Variants in MAP7 observed in about 807,000 individuals in gnomAD.
MAP7 encodes the protein ensconsin.
In MAP7, 52 loss-of-function variants were observed where a neutral mutation model predicts 94.8. The ratio of observed to expected loss-of-function variants is 0.55; its 90% CI spans 0.44 to 0.69. The LOEUF is 0.69. Among genes scored for constraint, MAP7 ranks in the 30% least tolerant of loss-of-function variants. MAP7 has a pLI of 0.00. For synonymous variants in MAP7, 350 were observed against 357.0 expected (o/e 0.98, Z 0.22); for missense variants, 940 against 964.6 (o/e 0.97, Z 0.34).
chr6:136,454,788 A>C (rs1327941467), intron 1 of MAP7, among the ~76,000 whole-genome samples: 2 of 151,994 alleles, frequency 1.3e-5, no homozygotes, highest in East Asian at 3.9e-4. Context: ...ACTCACAGCT[A>C]CTTGGGAGGC....
chr6:136,497,766 T>TC (rs137959617), intron 1 of MAP7, among the ~76,000 whole-genome samples: 10,166 of 125,752 alleles, frequency 0.081, 862 homozygotes, highest in African/African-American at 0.23. Context: ...GCCACTGCAC[T>TC]CAGCCTGGGT....
At chr6:136,440,326 A>G (rs928972900) in intron 1 of MAP7, among the ~76,000 whole-genome samples, 2 of 152,164 alleles carry the variant, frequency 1.3e-5, no homozygotes, top group African/African-American at 4.8e-5. Context: ...TGTGATAGAG[A>G]TCTCTACGGG....
intron 3 of MAP7, among the ~76,000 whole-genome samples, chr6:136,402,515 C>A (rs1451359858): frequency 6.6e-6 from 1 of 152,200 alleles, no homozygotes; most frequent in Admixed American, 6.5e-5. Context: ...TCACTGCACA[C>A]AGTGGTGGGC....
chr6:136,471,195 T>C (rs1808858182), intron 1 of MAP7, among the ~76,000 whole-genome samples: 1 of 152,202 alleles, frequency 6.6e-6, no homozygotes, highest in Non-Finnish European at 1.5e-5. Flanking sequence ...CAATATACAT[T>C]ATTAAAGGAC....
At chr6:136,349,601 G>A (rs1788592812) in intron 16 of MAP7, among the ~76,000 whole-genome samples, 1 of 152,044 alleles carries the variant, frequency 6.6e-6, no homozygotes, top group Non-Finnish European at 1.5e-5. Context: ...TGAACTCCTG[G>A]GCTCAAGTGA....
At chr6:136,394,937 T>TATATATATATATATATA (rs1781919269) in intron 3 of MAP7, among the ~76,000 whole-genome samples, 2 of 84,436 alleles carry the variant, frequency 2.4e-5, no homozygotes, top group African/African-American at 1.1e-4. Context: ...CCATCATATA[T>TATATATATATATATATA]ATATATATAT....
At chr6:136,547,825 A>T (rs550912393) in intron 1 of MAP7, among the ~76,000 whole-genome samples, 2 of 151,598 alleles carry the variant, frequency 1.3e-5, no homozygotes, top group African/African-American at 4.8e-5. Context: ...ATACACATAT[A>T]CACACACACA....
chr6:136,366,405 A>C lies in MAP7; in HGVS notation c.911T>G (p.Leu304Arg). ...CCTTCGGGTGCCAGATGTGAGGAAG[A>C]GTACATTTTCTCTCTCTCTTTCTTT... ...YKKERERENVLFLTSGTRRAV... is the reference protein window; with the variant it reads ...YKKERERENVRFLTSGTRRAV... Residue 304 changes from leucine (L) to arginine (R), a missense_variant, in exon 9 of 18, where the codon CTC (leucine) becomes CGC (arginine). Transcript: ENST00000354570. 6.2e-7 allele frequency: 1 copy of C among 1,613,998 alleles called. No individual in the cohort carries two copies. Among genetic ancestry groups the C allele is most frequent in the Non-Finnish European group, 8.5e-7 (1 of 1,179,832 alleles).
intron 3 of MAP7, among the ~76,000 whole-genome samples, chr6:136,394,831 T>C (rs1305119378): frequency 1.3e-5 from 2 of 149,810 alleles, no homozygotes; most frequent in Admixed American, 6.7e-5. Flanking sequence ...TATTTGTCTT[T>C]CTGTGCCTGT....
chr6:136,535,870 A>G (rs1828841703), intron 1 of MAP7, among the ~76,000 whole-genome samples: 1 of 151,832 alleles, frequency 6.6e-6, no homozygotes, highest in African/African-American at 2.4e-5. Flanking sequence ...TACATTAGGT[A>G]TATCTCCTAA....
chr6:136,407,529 G>C (rs1300758812), intron 3 of MAP7, among the ~76,000 whole-genome samples: 1 of 152,216 alleles, frequency 6.6e-6, no homozygotes, highest in Non-Finnish European at 1.5e-5. Context: ...GATAATGGCA[G>C]AGGCAGCCAA....
At position 136,496,906 on chromosome 6, in the gene MAP7, A is replaced by T. The variant is rs146923053; in HGVS notation, c.67+53436T>A. ...GAGGTGGAGGCTGCAGTAAGCGGAGATCGCGCCACTGCACTCCAACCTGGG... is the reference window on the plus strand; with the variant it reads ...GAGGTGGAGGCTGCAGTAAGCGGAGTTCGCGCCACTGCACTCCAACCTGGG... On this transcript the variant is annotated intron_variant, in intron 1 of 17. Transcript: ENST00000354570. 1.0e-3 allele frequency among the ~76,000 whole-genome samples: 155 copies of T among 151,686 alleles called. 3 individuals carry two copies. Among genetic ancestry groups the T allele is most frequent in the African/African-American group, 3.7e-3 (153 of 41,186 alleles).
intron 3 of MAP7, among the ~76,000 whole-genome samples, chr6:136,393,529 A>G (rs904713221): frequency 1.3e-5 from 2 of 152,146 alleles, no homozygotes; most frequent in Admixed American, 6.6e-5. Context: ...ATTTGGAGAA[A>G]CGCTGTACTC....
intron 6 of MAP7, among the ~76,000 whole-genome samples, chr6:136,381,165 T>G (rs1223592751): frequency 6.6e-6 from 1 of 152,142 alleles, no homozygotes; most frequent in Non-Finnish European, 1.5e-5. Flanking sequence ...TTACTTAAAT[T>G]TCTTTTATTT....
intron 3 of MAP7, among the ~76,000 whole-genome samples, chr6:136,394,033 GAGTCCGGT>G (rs1392385921): frequency 4.3e-5 from 6 of 138,424 alleles, no homozygotes; most frequent in African/African-American, 1.6e-4. Context: ...GCCCAGGCTA[GAGTCCGGT>G]AGTGCAATCT....
chr6:136,475,793 A>G (rs1032783404), intron 1 of MAP7: 1 of 152,126 alleles, frequency 6.6e-6, no homozygotes, highest in Non-Finnish European at 1.5e-5. Context: ...CATCTTCCCA[A>G]TGGAGAAGAG....
chr6:136,405,837 G>T (rs1250775072), intron 3 of MAP7, among the ~76,000 whole-genome samples: 1 of 152,212 alleles, frequency 6.6e-6, no homozygotes, highest in Non-Finnish European at 1.5e-5. Context: ...ACAGCAAAGA[G>T]TATTTGCTGA....
intron 10 of MAP7, 35 bp from the exon 11 acceptor site, chr6:136,362,737 A>T (rs751388296): frequency 6.6e-7 from 1 of 1,520,178 alleles, no homozygotes; most frequent in African/African-American, 1.4e-5. Context: ...AACCAGTTGG[A>T]AACAAAATCC....
intron 1 of MAP7, among the ~76,000 whole-genome samples, chr6:136,515,936 C>A (rs1824680097): frequency 6.6e-6 from 1 of 152,118 alleles, no homozygotes. Context: ...AATGCAGTAT[C>A]CATGAAGCAC....
Sources: gnomAD v4.1 joint callset for allele counts (sites outside exome capture counted in the v4.1 genomes callset) on GRCh38, gnomAD v4.1.1 for gene constraint, MANE v1.5 for transcripts, NCBI Gene and HGNC (gene_info 2026-07-23, HGNC 2026-07-21) for gene names.